STRN4: variants seen among roughly 807,000 people sequenced by gnomAD.
The protein encoded by STRN4 is striatin 4.
STRN4 carries 27 observed loss-of-function variants against 77.9 expected under a neutral mutation model. The ratio of observed to expected loss-of-function variants is 0.35; its 90% confidence interval spans 0.26 to 0.48. The LOEUF is 0.48. Ranked by LOEUF, STRN4 falls within the 20% of genes least tolerant of loss-of-function variation. STRN4 has a pLI of 0.99. For synonymous variants in STRN4, 466 were observed against 443.1 expected, an observed-to-expected ratio of 1.05 and a Z score of -0.65; for missense variants, 798 against 1,049.7, an observed-to-expected ratio of 0.76 and a Z score of 3.31.
At chr19:46,725,015 T>C in intron 11 of STRN4, 87 bp from the exon 12 acceptor site, 1 of 1,578,954 alleles carries the variant, frequency 6.3e-7, no homozygotes, top group East Asian at 2.2e-5. Flanking sequence ...ACTAGCATTC[T>C]TCAAGGATGG....
At position 46,728,628 on chromosome 19, in the gene STRN4, G is replaced by A; in HGVS notation, c.1029C>T (p.Pro343=). The A allele has an allele frequency of 6.2e-7, 1 of 1,613,272 alleles. No homozygotes were observed. The highest frequency in any genetic ancestry group is 8.5e-7 in the Non-Finnish European group (1 of 1,179,636). The part of the protein sequence containing the change: ...DPRRCTVDGS[P]HELESRRVKL... ...AAAACGTCAGCTCACCCAGCTCATG[G>A]GGGCTCCCATCCACAGTGCACCGCC... The change falls in exon 7 of 18, where the codon CCC becomes CCT. Residue 343 remains proline, a synonymous_variant. Coordinates refer to ENST00000263280, the MANE Select transcript of STRN4 (RefSeq NM_013403.3).
intron 6 of STRN4, among the ~76,000 whole-genome samples, chr19:46,730,351 G>A (rs529938156): frequency 6.6e-6 from 1 of 152,294 alleles, no homozygotes; most frequent in South Asian, 2.1e-4. Context: ...CCAGGGCCAG[G>A]GAAGGGAGCC....
At chr19:46,728,369 G>A in intron 7 of STRN4, 1 of 601,646 alleles carries the variant, frequency 1.7e-6, no homozygotes, top group South Asian at 2.0e-5. Flanking sequence ...CGCCCGCCCT[G>A]GAGGGCTGGC....
At chr19:46,721,857 C>CGA in intron 16 of STRN4, 129 bp downstream of exon 16, 1 of 943,794 alleles carries the variant, frequency 1.1e-6, no homozygotes, top group East Asian at 2.4e-5. Flanking sequence ...TCACCACGGT[C>CGA]ATTCCCGCCC....
chr19:46,734,461 CTGAT>C (rs1451888646), intron 4 of STRN4, among the ~76,000 whole-genome samples: 1 of 152,168 alleles, frequency 6.6e-6, no homozygotes, highest in African/African-American at 2.4e-5. Context: ...AAATACCTTC[CTGAT>C]TTTTATCACA....
chr19:46,723,149 C>T lies in STRN4; in HGVS notation c.1730G>A (p.Ser577Asn), dbSNP rs867504216. ...GGGGAAGGTGCAGAGGCAGGCCGGG[C>T]TGCTGCTGCTGGGGTCCCAGATGCG... The part of the protein sequence containing the change: ...TVRIWDPSSS[S>N]PACLCTFPTA... The change falls in exon 13 of 18, where the codon AGC (serine) becomes AAC (asparagine). Residue 577 changes from serine (S) to asparagine (N), a missense_variant. By Grantham distance (46) the Ser-to-Asn change is conservative. Transcript: ENST00000263280. The surrounding 1 kb of genome is among the most constrained non-coding windows in gnomAD (Gnocchi z 5.5). The T allele has an allele frequency of 5.8e-6, 9 of 1,564,378 alleles. No individual in the cohort carries two copies. The African/African-American group carries it at 9.5e-5, about 17-fold the overall frequency.
chr19:46,728,532 C>G, intron 7 of STRN4, 86 bp downstream of exon 7: 3 of 1,503,016 alleles, frequency 2.0e-6, no homozygotes, highest in Middle Eastern at 1.9e-4. Flanking sequence ...AGACCCTGTA[C>G]AGGAAGCAGC....
intron 1 of STRN4, among the ~76,000 whole-genome samples, chr19:46,745,474 C>T (rs2054566004): frequency 6.6e-6 from 1 of 152,072 alleles, no homozygotes; most frequent in Non-Finnish European, 1.5e-5. Context: ...CCCCTCGGGT[C>T]CTTACACAGC....
chr19:46,727,609 G>A, intron 8 of STRN4, 63 bp from the exon 9 acceptor site: 1 of 1,356,798 alleles, frequency 7.4e-7, no homozygotes, highest in Non-Finnish European at 1.1e-6. Flanking sequence ...GGGCCAGGGA[G>A]AGAGAGAATG....
chr19:46,738,808 T>C lies in STRN4; in HGVS notation c.363A>G (p.Leu121=). The change falls in exon 2 of 18, where the codon CTA becomes CTG. Residue 121 remains leucine (L), a synonymous_variant. Transcript: ENST00000263280. The surrounding 1 kb of genome is among the most constrained non-coding windows in gnomAD (Gnocchi z 4.5). ...KTDLVRRIKM[L]EYALKQERAK... is the part of the protein sequence containing the mutation. ...ACCTTTCCTGCTTCAGCGCATACTC[T>C]AGCATCTTGATCCGCCGCACCAGGT... The C allele has an allele frequency of 6.2e-7, 1 of 1,614,136 alleles. No homozygotes were observed. Among genetic ancestry groups the C allele is most frequent in the Non-Finnish European group, 8.5e-7 (1 of 1,180,028 alleles).
In STRN4 at chr19:46,725,333, T is replaced by A. The variant is rs745834833; in HGVS notation, c.1471A>T (p.Arg491Trp). ...GCAGGCTCAGGGGCACCTCCCTACC[T>A]GTGAGCCCGGAAAGCATGTATAGGT... ...VEPIHAFRAH[R>W]GPVLAVAMGS... Residue 491 changes from arginine to tryptophan, a missense_variant and splice_region_variant, in exon 11 of 18, where the codon AGG becomes TGG. Transcript: ENST00000263280. 1 of 1,614,160 alleles carries A rather than the reference T, an allele frequency of 6.2e-7. No individual in the cohort carries two copies. Among genetic ancestry groups the A allele is most frequent in the South Asian group, 1.1e-5 (1 of 91,084 alleles).
intron 3 of STRN4, among the ~76,000 whole-genome samples, chr19:46,737,949 G>C (rs1042894075): frequency 1.3e-5 from 2 of 152,094 alleles, no homozygotes; most frequent in African/African-American, 4.8e-5. Context: ...GTTGCACAGG[G>C]GGACCCAAGC....
intron 6 of STRN4, chr19:46,728,985 C>T (rs1047044619): frequency 2.6e-5 from 15 of 579,484 alleles, no homozygotes; most frequent in South Asian, 1.2e-4. Context: ...CCCACCCTCA[C>T]GCAGTCCTTC....
rs34705276 is a variant in STRN4, at chr19:46,720,037, C to T, written c.*368G>A. 10,317 of 152,482 alleles carry T rather than the reference C, an allele frequency of 0.068. 425 individuals carry two copies. The highest frequency in any genetic ancestry group is 0.095 in the East Asian group (489 of 5,152). 9.4% of individuals were successfully genotyped at this position (152,482 alleles called of 1,614,324 possible). A position where few individuals can be genotyped will look rare whatever the true frequency, so the allele number is the denominator to read the frequency against. On this transcript the variant is annotated 3_prime_UTR_variant, in exon 18 of 18. Coordinates refer to ENST00000263280, the MANE Select transcript of STRN4 (RefSeq NM_013403.3). Reference sequence around the variant, plus strand: ...GATGGGGGATGGGGGAGCAGGAGCTCAAGGGGAGAACCTGGCACCTTCTGG... The same window carrying T: ...GATGGGGGATGGGGGAGCAGGAGCTTAAGGGGAGAACCTGGCACCTTCTGG...
At chr19:46,743,894 C>T (rs2054519619) in intron 1 of STRN4, among the ~76,000 whole-genome samples, 2 of 151,592 alleles carry the variant, frequency 1.3e-5, no homozygotes, top group South Asian at 4.1e-4. Flanking sequence ...CAGAGTGAGA[C>T]TCTGTCTCAA....
Position 46,722,250 on chromosome 19 carries a change from T to G in STRN4, c.1997A>C (p.Asn666Thr). The G allele has an allele frequency of 6.2e-7, 1 of 1,614,080 alleles. No individual in the cohort carries two copies. The highest frequency in any genetic ancestry group is 8.5e-7 in the Non-Finnish European group (1 of 1,179,974). ...AAGGGGCTAGGCCTCACCTGTCCGA[T>G]TGTCCAGGAAGCGGATGCCCCTGTC... ...HDDRGIRFLD[N>T]RTGKPVHSMV... Residue 666 changes from asparagine to threonine, a missense_variant, in exon 15 of 18, where the codon AAT becomes ACT. Transcript: ENST00000263280.
intron 3 of STRN4, among the ~76,000 whole-genome samples, chr19:46,737,804 G>A (rs547912272): frequency 1.3e-4 from 20 of 152,204 alleles, no homozygotes; most frequent in Non-Finnish European, 2.2e-4. Context: ...ACGATTGAAC[G>A]GCAACCCTGT....
chr19:46,743,047 T>C (rs2054501693), intron 1 of STRN4, among the ~76,000 whole-genome samples: 1 of 152,220 alleles, frequency 6.6e-6, no homozygotes, highest in Non-Finnish European at 1.5e-5. Flanking sequence ...TGGGACGCTA[T>C]GCAGCTATCA....
At position 46,723,343 on chromosome 19, in the gene STRN4, A is replaced by G; in HGVS notation, c.1595-59T>C. On this transcript the variant is annotated intron_variant, in intron 12 of 17. Coordinates refer to ENST00000263280, the MANE Select transcript of STRN4 (RefSeq NM_013403.3). The surrounding 1 kb of genome is among the most constrained non-coding windows in gnomAD (Gnocchi z 5.5). ...CAGGGCTGCCAGCTCCTCCCTGGACAGCCCAGAGCCCCAGCTCTGCCAAGC... is the reference window on the plus strand; with the variant it reads ...CAGGGCTGCCAGCTCCTCCCTGGACGGCCCAGAGCCCCAGCTCTGCCAAGC... 6.7e-7 allele frequency: 1 copy of G among 1,482,044 alleles called. No individual in the cohort carries two copies. Among genetic ancestry groups the G allele is most frequent in the East Asian group, 2.5e-5 (1 of 40,142 alleles). The allele number at this position is 1,482,044 out of a possible 1,614,324, so 91.8% of individuals were successfully genotyped here. A position where few individuals can be genotyped will look rare whatever the true frequency, so the allele number is the denominator to read the frequency against.
Sources: gnomAD v4.1 joint callset for allele counts (sites outside exome capture counted in the v4.1 genomes callset) on GRCh38, gnomAD v4.1.1 for gene constraint, Gnocchi (gnomAD v3.1) non-coding constraint, MANE v1.5 for transcripts, NCBI Gene and HGNC (gene_info 2026-07-23, HGNC 2026-07-21) for gene names.